The following DNAH7 variants were observed in gnomAD, a reference collection of about 807,000 sequenced individuals.
The protein encoded by DNAH7 is dynein axonemal heavy chain 7.
In DNAH7, 397 loss-of-function variants were observed where a neutral mutation model predicts 444.6. The observed-to-expected ratio is 0.89, with a 90% CI of 0.82 to 0.97. The LOEUF is 0.97. Among genes scored for constraint, DNAH7 ranks in the 50% least tolerant of loss-of-function variants. The probability of loss-of-function intolerance (pLI) is 0.00; values close to 1 mark genes in which losing one functional copy is unlikely to be tolerated. For missense variants in DNAH7, 4,902 were observed against 4,800.8 expected, an observed-to-expected ratio of 1.02 and a Z score of -0.62; for synonymous variants, 1,636 against 1,624.4, an observed-to-expected ratio of 1.01 and a Z score of -0.17.
Position 195,737,966 on chromosome 2 carries a change from G to A in DNAH7, c.12030C>T (p.His4010=), listed in dbSNP as rs1692741019. ...MTLPSDQPKE[H]WIGRGVALLC... is the part of the protein sequence containing the mutation. Reference sequence around the variant, plus strand: ...ACAGTGCTACACCTCGTCCAATCCAGTGTTCCTTGGGTTGGTCAGAGGGAA... The same window carrying A: ...ACAGTGCTACACCTCGTCCAATCCAATGTTCCTTGGGTTGGTCAGAGGGAA... Residue 4010 remains histidine, a synonymous_variant, in exon 65 of 65, where the codon CAC becomes CAT. Coordinates refer to ENST00000312428, the MANE Select transcript of DNAH7 (RefSeq NM_018897.3). The A allele has an allele frequency of 6.2e-7, 1 of 1,614,074 alleles. No individual in the cohort carries two copies. The highest frequency in any genetic ancestry group is 8.5e-7 in the Non-Finnish European group (1 of 1,179,956).
rs1026493410 is a variant in DNAH7 at position 195,824,449 on chromosome 2, G to A, written c.9101-4C>T. 11 of 1,589,028 alleles carry A rather than the reference G, an allele frequency of 6.9e-6. No individual in the cohort carries two copies. Among genetic ancestry groups the A allele is most frequent in the African/African-American group, 1.4e-5 (1 of 73,760 alleles). ...TCGCCAACATTTTCTAGCAACACTG[G>A]AGTAAAATCAGAAAAGATTTCATGT... On this transcript the variant is annotated splice_polypyrimidine_tract_variant and splice_region_variant and intron_variant, in intron 48 of 64. Coordinates refer to ENST00000312428, the MANE Select transcript of DNAH7 (RefSeq NM_018897.3).
chr2:196,056,342 G>C (rs1374105232), intron 2 of DNAH7, among the ~76,000 whole-genome samples: 2 of 151,582 alleles, frequency 1.3e-5, no homozygotes, highest in Non-Finnish European at 2.9e-5. Context: ...CTACTCAGGA[G>C]GCTGAGACAG....
intron 27 of DNAH7, chr2:195,905,689 T>G (rs547227766): frequency 6.6e-6 from 1 of 152,234 alleles, no homozygotes; most frequent in East Asian, 1.9e-4. Context: ...AACCAAAATA[T>G]GGGGAAAATG....
chr2:195,963,069 A>C (rs1691219772), intron 17 of DNAH7, among the ~76,000 whole-genome samples: 1 of 152,218 alleles, frequency 6.6e-6, no homozygotes, highest in Admixed American at 6.5e-5. Context: ...GTTCTGCAAC[A>C]ATCATGGGAA....
At chr2:195,904,023 T>C (rs1475183556) in intron 27 of DNAH7, 1 of 152,162 alleles carries the variant, frequency 6.6e-6, no homozygotes, top group African/African-American at 2.4e-5. Context: ...TGAAGCTCTA[T>C]AAGTGCTGCC....
rs1256384779 is a variant in DNAH7 at position 195,778,645 on chromosome 2, T to TAA, written c.10879-661_10879-660insTT. ...AAAAAAAAAAAAATAAATAAATAAA[T>TAA]ATATATATATATATATATATATATA... On this transcript the variant is annotated intron_variant, in intron 58 of 64. Coordinates refer to ENST00000312428, the MANE Select transcript of DNAH7 (RefSeq NM_018897.3). Among the ~76,000 whole-genome samples the TAA allele has an allele frequency of 9.1e-4, 35 of 38,388 alleles. 3 individuals carry two copies. Among genetic ancestry groups the TAA allele is most frequent in the Middle Eastern group, 0.013 (1 of 80 alleles). 25.2% of individuals were successfully genotyped at this position (38,388 alleles called of 152,430 possible). A position where few individuals can be genotyped will look rare whatever the true frequency, so the allele number is the denominator to read the frequency against.
In DNAH7 at chr2:195,836,622, A is replaced by G. The variant is rs543528059; in HGVS notation, c.8946-2262T>C. ...ATTAATTATGTAAGAAAAGACATCAAAAGAGTAATGTAACATCTTAGATGC... is the reference window on the plus strand; with the variant it reads ...ATTAATTATGTAAGAAAAGACATCAGAAGAGTAATGTAACATCTTAGATGC... On this transcript the variant is annotated intron_variant, in intron 47 of 64. Coordinates refer to ENST00000312428, the MANE Select transcript of DNAH7 (RefSeq NM_018897.3). Among the ~76,000 whole-genome samples the G allele has an allele frequency of 5.3e-5, 8 of 152,326 alleles. No homozygotes were observed. The South Asian group carries it at 1.7e-3, about 32-fold the overall frequency.
intron 60 of DNAH7, among the ~76,000 whole-genome samples, chr2:195,773,064 AGCCACCGT>A (rs1238383846): frequency 2.6e-5 from 4 of 152,302 alleles, no homozygotes; most frequent in Non-Finnish European, 5.9e-5. Context: ...TATAGGCATG[AGCCACCGT>A]GCCCGGCCTC....
chr2:195,742,044 A>G (rs117898701), intron 63 of DNAH7, among the ~76,000 whole-genome samples: 2 of 152,340 alleles, frequency 1.3e-5, no homozygotes, highest in East Asian at 3.9e-4. Flanking sequence ...ACGTCGGAAT[A>G]TAGTATCAGT....
At chr2:195,772,843 C>T (rs190117917) in intron 60 of DNAH7, among the ~76,000 whole-genome samples, 35 of 149,236 alleles carry the variant, frequency 2.3e-4, no homozygotes, top group African/African-American at 8.0e-4. Flanking sequence ...TGCCGTGGCA[C>T]GATTTCCGTT....
At chr2:195,946,742 C>A (rs1176665003) in intron 19 of DNAH7, among the ~76,000 whole-genome samples, 1 of 152,110 alleles carries the variant, frequency 6.6e-6, no homozygotes, top group African/African-American at 2.4e-5. Context: ...TCCTTCTCTT[C>A]ACCCGGTCCT....
At chr2:196,060,997 T>C (rs993018098) in intron 1 of DNAH7, among the ~76,000 whole-genome samples, 1 of 152,224 alleles carries the variant, frequency 6.6e-6, no homozygotes, top group South Asian at 2.1e-4. Flanking sequence ...TATACATTTA[T>C]GGTATACAAT....
chr2:195,887,664 T>G (rs1701781805), intron 33 of DNAH7, among the ~76,000 whole-genome samples: 1 of 152,196 alleles, frequency 6.6e-6, no homozygotes, highest in South Asian at 2.1e-4. Context: ...GCCAAAGTCA[T>G]TCTAAAAGAC....
At chr2:195,847,205 G>C (rs1051654406) in intron 46 of DNAH7, among the ~76,000 whole-genome samples, 6 of 149,414 alleles carry the variant, frequency 4.0e-5, no homozygotes, top group African/African-American at 1.5e-4. Context: ...TGTCCCTCTA[G>C]AGAATCCTAA....
chr2:195,835,381 C>CAAAAAAAAAAAAAAAAAAAAGAA (rs58376618), intron 47 of DNAH7, among the ~76,000 whole-genome samples: 1 of 113,054 alleles, frequency 8.8e-6, no homozygotes. Context: ...GTGACTGAGG[C>CAAAAAAAAAAAAAAAAAAAAGAA]AAAAAAAAAA....
chr2:195,738,290 A>G lies in DNAH7; in HGVS notation c.11869-163T>C, dbSNP rs538618797. On this transcript the variant is annotated intron_variant, in intron 64 of 64. Transcript: ENST00000312428. ...TTGTTGTGATTGCTCAAAACATTTT[A>G]TAGAACTCTCATAACTGAAAAAAAT... Among the ~76,000 whole-genome samples, 6 of 152,312 alleles carry G rather than the reference A, an allele frequency of 3.9e-5. No individual in the cohort carries two copies. The East Asian group carries it at 1.2e-3, about 29-fold the overall frequency.
Position 196,026,811 on chromosome 2 carries a change from A to T in DNAH7, c.616T>A (p.Leu206Ile), listed in dbSNP as rs775020012. Residue 206 changes from leucine (L) to isoleucine (I), a missense_variant, in exon 7 of 65, where the codon TTA (leucine) becomes ATA (isoleucine). Coordinates refer to ENST00000312428, the MANE Select transcript of DNAH7 (RefSeq NM_018897.3). ...TAATCCTCTCTCATTTCATCAGATA[A>T]TGTAACTATGCTGTCAGTGAAGACT... ...LKVFTDSIVT[L>I]SDEMREDYLL... 2.5e-5 allele frequency: 41 copies of T among 1,612,528 alleles called. No individual in the cohort carries two copies. In the Admixed American group the frequency reaches 6.7e-4, roughly 26 times the overall value.
chr2:195,820,294 G>C (rs1434324360), intron 49 of DNAH7, among the ~76,000 whole-genome samples: 3 of 151,724 alleles, frequency 2.0e-5, no homozygotes, highest in Non-Finnish European at 4.4e-5. Context: ...GGGGCCTGTT[G>C]GGGGGTATGA....
At position 196,068,745 on chromosome 2, in the gene DNAH7, C is replaced by G; in HGVS notation, c.-34G>C. On this transcript the variant is annotated 5_prime_UTR_variant, in exon 1 of 65. Coordinates refer to ENST00000312428, the MANE Select transcript of DNAH7 (RefSeq NM_018897.3). ...GGACGCGCTGGCCTCACCGGTGCTT[C>G]TGGGTTGCTCCTGCCCGCGGAACCC... 1.3e-6 allele frequency: 2 copies of G among 1,549,922 alleles called. No individual in the cohort carries two copies. The highest frequency in any genetic ancestry group is 4.9e-5 in the East Asian group (2 of 40,998).
Sources: gnomAD v4.1 joint callset for allele counts (sites outside exome capture counted in the v4.1 genomes callset) on GRCh38, gnomAD v4.1.1 for gene constraint, MANE v1.5 for transcripts, NCBI Gene and HGNC (gene_info 2026-07-23, HGNC 2026-07-21) for gene names.